CDH18: variants seen among roughly 807,000 people sequenced by gnomAD.
CDH18 encodes the protein cadherin 18.
Under a neutral mutation model 67.9 loss-of-function variants are expected in CDH18, and 31 were observed. That is an observed-to-expected ratio of 0.46 (90% CI 0.34 to 0.62). CDH18 has a LOEUF of 0.62. Among genes scored for constraint, CDH18 ranks in the 20% least tolerant of loss-of-function variants. The pLI is 0.01. For synonymous variants in CDH18, 362 were observed against 347.2 expected (o/e 1.04, Z -0.48); for missense variants, 890 against 975.5 (o/e 0.91, Z 1.17).
intron 2 of CDH18, among the ~76,000 whole-genome samples, chr5:20,083,365 C>G (rs1235475840): frequency 6.6e-6 from 1 of 152,120 alleles, no homozygotes; most frequent in East Asian, 1.9e-4. Context: ...TTCACAGATG[C>G]TGTGGTTTTT....
intron 2 of CDH18, among the ~76,000 whole-genome samples, chr5:20,082,561 G>A (rs1744574794): frequency 6.6e-6 from 1 of 151,994 alleles, no homozygotes; most frequent in African/African-American, 2.4e-5. Flanking sequence ...TTGGTCCTTT[G>A]ATTTAGTTAT....
intron 1 of CDH18, among the ~76,000 whole-genome samples, chr5:20,336,440 T>C (rs1739745397): frequency 6.6e-6 from 1 of 152,036 alleles, no homozygotes; most frequent in South Asian, 2.1e-4. Context: ...CTTCGCCTTA[T>C]GGCTGGGCGC....
At chr5:20,406,705 T>TTA (rs1322449160) in intron 1 of CDH18, among the ~76,000 whole-genome samples, 1 of 152,210 alleles carries the variant, frequency 6.6e-6, no homozygotes, top group Non-Finnish European at 1.5e-5. Flanking sequence ...CTGATTTATC[T>TTA]TAAGAATGAT....
intron 1 of CDH18, among the ~76,000 whole-genome samples, chr5:20,306,278 G>C (rs868496182): frequency 6.6e-6 from 1 of 150,982 alleles, no homozygotes; most frequent in African/African-American, 2.5e-5. Context: ...TGAGATCACA[G>C]TCCTATTCAA....
intron 11 of CDH18, among the ~76,000 whole-genome samples, chr5:19,497,719 T>C (rs1366636662): frequency 2.0e-5 from 3 of 152,214 alleles, no homozygotes; most frequent in African/African-American, 7.2e-5. Flanking sequence ...AGCTACCTTA[T>C]GTAATTCTAG....
intron 4 of CDH18, among the ~76,000 whole-genome samples, chr5:19,724,142 T>G (rs1766494097): frequency 6.6e-6 from 1 of 152,168 alleles, no homozygotes; most frequent in African/African-American, 2.4e-5. Flanking sequence ...ACTTGTTAAA[T>G]GAACTGGTAC....
intron 2 of CDH18, among the ~76,000 whole-genome samples, chr5:20,074,528 T>C (rs1395397536): frequency 6.6e-6 from 1 of 152,188 alleles, no homozygotes; most frequent in Non-Finnish European, 1.5e-5. Context: ...ATCAAAAATA[T>C]ATCTGCCTTT....
chr5:20,107,940 C>G (rs1249536454), intron 2 of CDH18, among the ~76,000 whole-genome samples: 1 of 136,138 alleles, frequency 7.3e-6, no homozygotes, highest in Non-Finnish European at 1.6e-5. Context: ...TGTGTTCACA[C>G]GAGGGCCTCC....
intron 1 of CDH18, among the ~76,000 whole-genome samples, chr5:20,316,619 G>A (rs997040681): frequency 6.6e-6 from 1 of 151,974 alleles, no homozygotes; most frequent in Admixed American, 6.6e-5. Context: ...CCACTAATTA[G>A]AGCCTCGCAT....
chr5:19,724,957 C>T (rs1766619615), intron 4 of CDH18, among the ~76,000 whole-genome samples: 2 of 148,272 alleles, frequency 1.3e-5, no homozygotes, highest in African/African-American at 2.5e-5. Flanking sequence ...GACGGAGTCT[C>T]CTTCTGTCAC....
intron 1 of CDH18, among the ~76,000 whole-genome samples, chr5:20,410,898 A>G (rs185609767): frequency 2.0e-5 from 3 of 152,020 alleles, no homozygotes; most frequent in Non-Finnish European, 2.9e-5. Context: ...TTAACTAAAG[A>G]GGCAAAAATC....
At chr5:19,529,113 C>T (rs1189111373) in intron 9 of CDH18, among the ~76,000 whole-genome samples, 2 of 151,804 alleles carry the variant, frequency 1.3e-5, no homozygotes, top group Non-Finnish European at 2.9e-5. Context: ...GGAGAAGAGA[C>T]TTACATAATC....
rs763772867 is a variant in CDH18, at chr5:19,571,635, C to T, written c.1197G>A (p.Gly399=). 6.8e-6 allele frequency: 11 copies of T among 1,613,796 alleles called. No individual in the cohort carries two copies. Among genetic ancestry groups the T allele is most frequent in the Middle Eastern group, 1.6e-4 (1 of 6,084 alleles). Residue 399 remains glycine (G), a synonymous_variant, in exon 8 of 13, where the codon GGG becomes GGA. Transcript: ENST00000382275. ...LMEVYENAKI[G]TVVGTVLAQD... is the part of the protein sequence containing the mutation. The stretch of plus-strand genomic sequence containing the variant: ...GTGCCAAAACTGTACCAACGACGGT[C>T]CCAATCTTGGCATTTTCGTAGACTT...
chr5:19,936,065 A>G (rs1215759876), intron 2 of CDH18, among the ~76,000 whole-genome samples: 1 of 151,264 alleles, frequency 6.6e-6, no homozygotes, highest in Non-Finnish European at 1.5e-5. Flanking sequence ...TTAGCGTGAT[A>G]CAACACAGCA....
intron 2 of CDH18, among the ~76,000 whole-genome samples, chr5:20,210,275 C>T (rs1740253454): frequency 6.6e-6 from 1 of 151,884 alleles, no homozygotes; most frequent in Non-Finnish European, 1.5e-5. Flanking sequence ...CATATTTCTT[C>T]TATATTCTTT....
At chr5:20,320,559 A>G (rs1043455858) in intron 1 of CDH18, among the ~76,000 whole-genome samples, 1 of 152,186 alleles carries the variant, frequency 6.6e-6, no homozygotes. Flanking sequence ...CTCTTTCTAA[A>G]ATAGCTTCAA....
intron 5 of CDH18, among the ~76,000 whole-genome samples, chr5:19,669,215 T>C (rs1016051267): frequency 1.4e-5 from 2 of 146,754 alleles, no homozygotes; most frequent in African/African-American, 5.0e-5. Flanking sequence ...AATATAATTA[T>C]ATATAATATA....
intron 1 of CDH18, among the ~76,000 whole-genome samples, chr5:20,372,311 A>C (rs116661541): frequency 0.023 from 3,439 of 152,258 alleles, 101 homozygotes; most frequent in East Asian, 0.075. Context: ...ATTAGGATAG[A>C]TATCATCTCA....
rs191789349 is a variant in CDH18 at position 20,367,104 on chromosome 5, C to A, written c.-579-111599G>T. On this transcript the variant is annotated intron_variant, in intron 1 of 14. Coordinates refer to the CDH18 transcript ENST00000507958. ...CCTGCTTGAGATTAGCCCGACAGCT[C>A]TCATGCACTAAACAGTATGAGTTTC... is the stretch of plus-strand genomic sequence containing the variant. Among the ~76,000 whole-genome samples the A allele has an allele frequency of 7.5e-4, 114 of 152,236 alleles. 1 individual carries two copies. The highest frequency in any genetic ancestry group is 2.6e-3 in the African/African-American group (107 of 41,558).
Sources: allele counts gnomAD v4.1 joint callset (sites outside exome capture counted in the v4.1 genomes callset), GRCh38; gene constraint gnomAD v4.1.1; transcripts MANE v1.5; gene names NCBI Gene and HGNC (gene_info 2026-07-23, HGNC 2026-07-21).